The following RCSD1 variants were observed in gnomAD, a reference collection of about 807,000 sequenced individuals.
RCSD1 encodes the protein RCSD domain containing 1, also known as capZ-interacting protein.
RCSD1 carries 26 observed loss-of-function variants against 42.5 expected under a neutral mutation model. The ratio of observed to expected loss-of-function variants is 0.61; its 90% CI spans 0.45 to 0.85. The LOEUF (loss-of-function observed/expected upper bound fraction) is 0.85. RCSD1 is among the 40% of genes least tolerant of loss of function. The probability of loss-of-function intolerance (pLI) is 0.00; values close to 1 mark genes in which losing one functional copy is unlikely to be tolerated. For synonymous variants in RCSD1, 220 were observed against 212.2 expected (o/e 1.04, Z -0.32); for missense variants, 571 against 528.3 (o/e 1.08, Z -0.79).
At chr1:167,674,760 C>T (rs557377598) in intron 1 of RCSD1, among the ~76,000 whole-genome samples, 13 of 152,252 alleles carry the variant, frequency 8.5e-5, no homozygotes, top group African/African-American at 2.2e-4. Context: ...TTTCACTTAG[C>T]GTAATGTTTT....
At chr1:167,655,607 CCACCAGT>C (rs1332940315) in intron 1 of RCSD1, among the ~76,000 whole-genome samples, 1 of 152,174 alleles carries the variant, frequency 6.6e-6, no homozygotes, top group East Asian at 1.9e-4. Flanking sequence ...TCTGTGCCCT[CCACCAGT>C]CACCCTGGGG....
intron 1 of RCSD1, among the ~76,000 whole-genome samples, chr1:167,666,110 C>A (rs1336859940): frequency 6.6e-6 from 1 of 152,208 alleles, no homozygotes; most frequent in Non-Finnish European, 1.5e-5. Flanking sequence ...CCATGCCTAG[C>A]CAAATGAGCA....
chr1:167,638,579 G>A (rs1353491099), intron 1 of RCSD1: 2 of 152,238 alleles, frequency 1.3e-5, no homozygotes, highest in Non-Finnish European at 2.9e-5. Context: ...AGGCTCCTCA[G>A]CCTGGCCAGT....
intron 1 of RCSD1, among the ~76,000 whole-genome samples, chr1:167,649,330 T>C (rs148108930): frequency 0.016 from 2,368 of 152,088 alleles, 58 homozygotes; most frequent in South Asian, 0.068. Flanking sequence ...GTGCCGGGAT[T>C]TCTACACAGA....
chr1:167,660,527 T>G (rs1015384821), intron 1 of RCSD1, among the ~76,000 whole-genome samples: 1 of 151,962 alleles, frequency 6.6e-6, no homozygotes, highest in African/African-American at 2.4e-5. Flanking sequence ...TGGAGTGCAG[T>G]CATAGCTCTC....
At chr1:167,648,021 G>A (rs557478114) in intron 1 of RCSD1, among the ~76,000 whole-genome samples, 2 of 151,382 alleles carry the variant, frequency 1.3e-5, no homozygotes, top group South Asian at 2.1e-4. Context: ...TAACTACTTC[G>A]AATTTTCCAC....
intron 1 of RCSD1, among the ~76,000 whole-genome samples, chr1:167,655,373 T>C (rs556037392): frequency 2.6e-5 from 4 of 152,226 alleles, no homozygotes; most frequent in African/African-American, 9.6e-5. Context: ...TTTTTTTCTC[T>C]CCTCTTTTAT....
intron 6 of RCSD1, 37 bp from the exon 7 acceptor site, chr1:167,704,616 GATTTCCTCACC>G (rs1300671134): frequency 6.5e-7 from 1 of 1,543,610 alleles, no homozygotes; most frequent in Non-Finnish European, 8.9e-7. Context: ...TGAGTGTCAG[GATTTCCTCACC>G]ATTTTCCTAA....
At chr1:167,639,547 C>T (rs1052870491) in intron 1 of RCSD1, among the ~76,000 whole-genome samples, 3 of 151,976 alleles carry the variant, frequency 2.0e-5, no homozygotes, top group Admixed American at 6.6e-5. Context: ...GGCTGGAGCG[C>T]AATGGTGCAA....
intron 1 of RCSD1, among the ~76,000 whole-genome samples, chr1:167,675,362 G>A (rs1478424330): frequency 6.6e-6 from 1 of 152,118 alleles, no homozygotes; most frequent in East Asian, 1.9e-4. Flanking sequence ...CATGGCGGCA[G>A]GCAAGAGAGC....
intron 1 of RCSD1, among the ~76,000 whole-genome samples, chr1:167,665,254 A>G (rs534903238): frequency 9.2e-4 from 140 of 152,142 alleles, no homozygotes; most frequent in Non-Finnish European, 1.6e-3. Flanking sequence ...ACTTAACACA[A>G]TGCTTTTCAG....
chr1:167,642,163 C>G (rs1447684199), intron 1 of RCSD1, among the ~76,000 whole-genome samples: 1 of 152,238 alleles, frequency 6.6e-6, no homozygotes, highest in East Asian at 1.9e-4. Flanking sequence ...GTACCATCCT[C>G]TCATGGCCTC....
At chr1:167,648,018 T>G (rs1052404184) in intron 1 of RCSD1, among the ~76,000 whole-genome samples, 3 of 152,012 alleles carry the variant, frequency 2.0e-5, no homozygotes, top group Non-Finnish European at 4.4e-5. Flanking sequence ...ATATAACTAC[T>G]TCGAATTTTC....
intron 1 of RCSD1, among the ~76,000 whole-genome samples, chr1:167,672,912 A>G (rs1202498151): frequency 6.6e-6 from 1 of 152,148 alleles, no homozygotes; most frequent in Non-Finnish European, 1.5e-5. Flanking sequence ...TGTATGTCTC[A>G]TCCAGGGTGC....
intron 1 of RCSD1, among the ~76,000 whole-genome samples, chr1:167,647,558 A>G (rs915773528): frequency 6.6e-6 from 1 of 152,098 alleles, no homozygotes; most frequent in African/African-American, 2.4e-5. Flanking sequence ...TCATCTCTAA[A>G]ATAACTAACT....
intron 6 of RCSD1, among the ~76,000 whole-genome samples, chr1:167,700,444 C>G (rs780656215): frequency 1.3e-5 from 2 of 151,878 alleles, no homozygotes; most frequent in African/African-American, 4.8e-5. Flanking sequence ...GTCAGGAGAT[C>G]GAGACCATCC....
intron 1 of RCSD1, among the ~76,000 whole-genome samples, chr1:167,635,556 T>G (rs113568165): frequency 7.4e-4 from 113 of 152,230 alleles, no homozygotes; most frequent in African/African-American, 2.6e-3. Flanking sequence ...GCGCGCGCGG[T>G]TCCGTGGGAA....
At chr1:167,650,014 C>G (rs1204520951) in intron 1 of RCSD1, among the ~76,000 whole-genome samples, 1 of 152,120 alleles carries the variant, frequency 6.6e-6, no homozygotes. Context: ...GGCAGAGTGG[C>G]CAACAGGAGT....
chr1:167,643,081 C>A (rs1158816077), intron 1 of RCSD1, among the ~76,000 whole-genome samples: 1 of 152,162 alleles, frequency 6.6e-6, no homozygotes, highest in African/African-American at 2.4e-5. Flanking sequence ...AAAACCGATA[C>A]CTGCTTTACC....
Sources: gnomAD v4.1 joint callset for allele counts (sites outside exome capture counted in the v4.1 genomes callset) on GRCh38, gnomAD v4.1.1 for gene constraint, MANE v1.5 for transcripts, NCBI Gene and HGNC (gene_info 2026-07-23, HGNC 2026-07-21) for gene names.